The following CCDC60 variants were observed in gnomAD, a reference collection of about 807,000 sequenced individuals.
CCDC60 encodes coiled-coil domain-containing protein 60.
A neutral mutation model predicts 63.5 loss-of-function variants in CCDC60; 54 were observed. That is an observed-to-expected ratio of 0.85 (90% CI 0.68 to 1.07). The LOEUF is 1.07. Ranked by LOEUF, CCDC60 falls within the 50% of genes least tolerant of loss-of-function variation. The probability of loss-of-function intolerance (pLI) is 0.00; values close to 1 mark genes in which losing one functional copy is unlikely to be tolerated. For synonymous variants in CCDC60, 206 were observed against 238.8 expected (o/e 0.86, Z 1.27); for missense variants, 651 against 684.3 (o/e 0.95, Z 0.54).
chr12:119,450,767 A>G (rs1950615969), intron 2 of CCDC60, among the ~76,000 whole-genome samples: 1 of 152,024 alleles, frequency 6.6e-6, no homozygotes, highest in Admixed American at 6.6e-5. Context: ...CTGAAGCAGG[A>G]GAATCACTTG....
At chr12:119,504,990 C>G in intron 6 of CCDC60, 79 bp from the exon 7 acceptor site, 7 of 1,066,304 alleles carry the variant, frequency 6.6e-6, no homozygotes, top group Non-Finnish European at 9.6e-6. Context: ...TCCCCACCTT[C>G]CTCCTTCCCT....
At chr12:119,492,507 G>A (rs1054971426) in intron 5 of CCDC60, among the ~76,000 whole-genome samples, 1 of 152,212 alleles carries the variant, frequency 6.6e-6, no homozygotes, top group Non-Finnish European at 1.5e-5. Context: ...TTATAAGAAA[G>A]CAGAAAGAGC....
intron 5 of CCDC60, among the ~76,000 whole-genome samples, chr12:119,497,056 C>T (rs898782380): frequency 6.6e-6 from 1 of 152,162 alleles, no homozygotes; most frequent in Non-Finnish European, 1.5e-5. Context: ...TAGAAGCTTC[C>T]ACCATCAACG....
chr12:119,527,622 G>A (rs1952713220), intron 11 of CCDC60, among the ~76,000 whole-genome samples: 1 of 147,158 alleles, frequency 6.8e-6, no homozygotes, highest in Non-Finnish European at 1.5e-5. Context: ...TGTGGAGGTT[G>A]AGCTTTATCT....
At chr12:119,498,968 A>G (rs1246010590) in intron 5 of CCDC60, among the ~76,000 whole-genome samples, 2 of 152,192 alleles carry the variant, frequency 1.3e-5, no homozygotes, top group Non-Finnish European at 2.9e-5. Flanking sequence ...GACAGGAACC[A>G]ATCGAAGTTG....
At chr12:119,338,207 AG>A (rs1026766129) in intron 1 of CCDC60, among the ~76,000 whole-genome samples, 2 of 152,164 alleles carry the variant, frequency 1.3e-5, no homozygotes, top group African/African-American at 4.8e-5. Flanking sequence ...GTTATAGTAA[AG>A]CATTAATTAA....
chr12:119,351,081 T>G (rs1955651825), intron 1 of CCDC60, among the ~76,000 whole-genome samples: 1 of 152,236 alleles, frequency 6.6e-6, no homozygotes, highest in African/African-American at 2.4e-5. Context: ...CTTCAGCTCT[T>G]GAGCAATCCC....
At chr12:119,336,400 A>G (rs1015590312) in intron 1 of CCDC60, among the ~76,000 whole-genome samples, 6 of 152,212 alleles carry the variant, frequency 3.9e-5, no homozygotes, top group Non-Finnish European at 5.9e-5. Flanking sequence ...GAGCTGGGCC[A>G]TCCTATTAGC....
intron 1 of CCDC60, among the ~76,000 whole-genome samples, chr12:119,366,064 T>G (rs906590387): frequency 3.3e-5 from 5 of 152,188 alleles, no homozygotes; most frequent in African/African-American, 1.2e-4. Flanking sequence ...GACAGATAGA[T>G]ATACACACAT....
intron 1 of CCDC60, among the ~76,000 whole-genome samples, chr12:119,394,538 T>A (rs756946083): frequency 7.9e-5 from 12 of 152,184 alleles, no homozygotes; most frequent in African/African-American, 1.4e-4. Flanking sequence ...ACAGTTGCAC[T>A]TTCTAGTTAC....
At chr12:119,463,731 T>C (rs933359465) in intron 2 of CCDC60, among the ~76,000 whole-genome samples, 1 of 152,244 alleles carries the variant, frequency 6.6e-6, no homozygotes, top group Non-Finnish European at 1.5e-5. Context: ...ACTTGAGAAG[T>C]CTCATTGAAG....
At chr12:119,362,825 A>G (rs2136167503) in intron 1 of CCDC60, among the ~76,000 whole-genome samples, 1 of 152,306 alleles carries the variant, frequency 6.6e-6, no homozygotes, top group African/African-American at 2.4e-5. Context: ...ACTGGCCCAC[A>G]AGGTGGCTCA....
chr12:119,464,180 C>A (rs1950909171), intron 2 of CCDC60, among the ~76,000 whole-genome samples: 1 of 144,584 alleles, frequency 6.9e-6, no homozygotes, highest in Admixed American at 7.0e-5. Flanking sequence ...GGTTGGACTT[C>A]AATGTATGAA....
chr12:119,491,044 C>T (rs969439985), intron 5 of CCDC60, among the ~76,000 whole-genome samples: 1 of 152,178 alleles, frequency 6.6e-6, no homozygotes, highest in Non-Finnish European at 1.5e-5. Context: ...CTTTCTAATG[C>T]CTTCCTTTTA....
chr12:119,489,807 T>C (rs77528127), intron 5 of CCDC60, among the ~76,000 whole-genome samples: 1 of 146,532 alleles, frequency 6.8e-6, no homozygotes, highest in African/African-American at 2.5e-5. Context: ...ACCTGAGTCT[T>C]TTTTTTTTTT....
At chr12:119,518,395 C>A (rs373622164) in intron 8 of CCDC60, among the ~76,000 whole-genome samples, 1 of 152,008 alleles carries the variant, frequency 6.6e-6, no homozygotes, top group Non-Finnish European at 1.5e-5. Flanking sequence ...GAGATTGTGT[C>A]GCATCAAAGC....
intron 1 of CCDC60, among the ~76,000 whole-genome samples, chr12:119,359,536 CTTT>C (rs57310847): frequency 4.4e-5 from 6 of 137,418 alleles, no homozygotes; most frequent in East Asian, 2.2e-4. Context: ...TATCACAGGT[CTTT>C]TTTTTTTTTT....
At chr12:119,496,318 T>C (rs1951714826) in intron 5 of CCDC60, among the ~76,000 whole-genome samples, 1 of 152,226 alleles carries the variant, frequency 6.6e-6, no homozygotes, top group Non-Finnish European at 1.5e-5. Context: ...ATTGCCACTG[T>C]GGATAGACAT....
chr12:119,522,185 A>C (rs1465325034), intron 9 of CCDC60, among the ~76,000 whole-genome samples: 1 of 152,218 alleles, frequency 6.6e-6, no homozygotes, highest in Non-Finnish European at 1.5e-5. Flanking sequence ...TGGAAGAAAG[A>C]AGGGGAAACA....
Sources: gnomAD v4.1 joint callset for allele counts (sites outside exome capture counted in the v4.1 genomes callset) on GRCh38, gnomAD v4.1.1 for gene constraint, MANE v1.5 for transcripts, NCBI Gene and HGNC (gene_info 2026-07-23, HGNC 2026-07-21) for gene names.